The following STON1 variants were observed in gnomAD, a reference collection of about 807,000 sequenced individuals.
STON1 encodes the protein stonin-1.
STON1 carries 79 observed loss-of-function variants against 60.9 expected under a neutral mutation model. The observed-to-expected ratio is 1.30, with a 90% CI of 1.08 to 1.56. The LOEUF (loss-of-function observed/expected upper bound fraction) is 1.56, where lower values mean the gene tolerates loss of function less well. STON1 is among the 40% of genes most tolerant of loss of function. The probability of loss-of-function intolerance (pLI) is 0.00; values close to 1 mark genes in which losing one functional copy is unlikely to be tolerated. For synonymous variants in STON1, 363 were observed against 306.9 expected, an observed-to-expected ratio of 1.18 and a Z score of -1.91; for missense variants, 1,166 against 858.9, an observed-to-expected ratio of 1.36 and a Z score of -4.47.
At chr2:48,571,305 G>T (rs1673198364) in intron 1 of STON1, among the ~76,000 whole-genome samples, 1 of 152,194 alleles carries the variant, frequency 6.6e-6, no homozygotes, top group Non-Finnish European at 1.5e-5. Context: ...AGGAATCTTT[G>T]CTTCAGAGGA....
chr2:48,552,463 C>A (rs542747448), intron 1 of STON1, among the ~76,000 whole-genome samples: 2 of 152,236 alleles, frequency 1.3e-5, no homozygotes, highest in South Asian at 4.2e-4. Flanking sequence ...TTTAATGCCA[C>A]TAAAGTGTAC....
chr2:48,538,283 TG>T lies in STON1; in HGVS notation c.-48+8068del, dbSNP rs1356380004. ...GCATATATGTTTTTCTTAACTAGTT[TG>T]TAAGAGATAAAGATTATCTGTTTCT... On this transcript the variant is annotated intron_variant, in intron 1 of 3. Transcript: ENST00000404752. 5.9e-5 allele frequency among the ~76,000 whole-genome samples: 9 copies of T among 152,268 alleles called. 1 individual carries two copies. The highest frequency in any genetic ancestry group is 1.9e-4 in the African/African-American group (8 of 41,552).
At chr2:48,571,861 G>A (rs1673226277) in intron 1 of STON1, among the ~76,000 whole-genome samples, 1 of 152,080 alleles carries the variant, frequency 6.6e-6, no homozygotes, top group Non-Finnish European at 1.5e-5. Flanking sequence ...AGAAACGGAA[G>A]CAAGTGTAAA....
At chr2:48,589,391 G>T (rs181188946) in intron 2 of STON1, among the ~76,000 whole-genome samples, 2 of 152,132 alleles carry the variant, frequency 1.3e-5, no homozygotes, top group African/African-American at 4.8e-5. Context: ...GCGACAACAC[G>T]ATTTTCCTCT....
At chr2:48,541,212 A>G (rs1671636102) in intron 1 of STON1, among the ~76,000 whole-genome samples, 1 of 151,770 alleles carries the variant, frequency 6.6e-6, no homozygotes, top group South Asian at 2.1e-4. Flanking sequence ...TTAGCTGGGC[A>G]TGGTGTTGTA....
At position 48,555,483 on chromosome 2, in the gene STON1, G is replaced by T. The variant is rs1377740617; in HGVS notation, c.-47-25104G>T. Among the ~76,000 whole-genome samples the T allele has an allele frequency of 9.3e-5, 9 of 96,298 alleles. 1 individual carries two copies. The highest frequency in any genetic ancestry group is 3.7e-4 in the African/African-American group (9 of 24,556). The allele number at this position is 96,298 out of a possible 152,430, so 63.2% of individuals were successfully genotyped here. ...CCCCACCTCCCTCCCGGACGGGGCG[G>T]CTGGCCGGGTGGGGGGCTGACCCCC... On this transcript the variant is annotated intron_variant, in intron 1 of 3. Coordinates refer to ENST00000404752, the MANE Select transcript of STON1 (RefSeq NM_006873.4).
chr2:48,588,611 G>A (rs1674341764), intron 2 of STON1, among the ~76,000 whole-genome samples: 3 of 152,114 alleles, frequency 2.0e-5, no homozygotes, highest in East Asian at 1.9e-4. Flanking sequence ...TTGGCCTTCC[G>A]AGTGCTGGGA....
rs184434671 is a variant in STON1 at position 48,533,386 on chromosome 2, G to T, written c.-48+3170G>T. On this transcript the variant is annotated intron_variant, in intron 1 of 3. Coordinates refer to ENST00000404752, the MANE Select transcript of STON1 (RefSeq NM_006873.4). ...CAGAGCGAGACTCCGTCTCAGAAAAGAAAAGAAAAAAAAAGATGTAGGCCA... is the reference window on the plus strand; with the variant it reads ...CAGAGCGAGACTCCGTCTCAGAAAATAAAAGAAAAAAAAAGATGTAGGCCA... Among the ~76,000 whole-genome samples, 701 of 149,140 alleles carry T rather than the reference G, an allele frequency of 4.7e-3. 19 individuals are homozygous for T. Among genetic ancestry groups the T allele is most frequent in the East Asian group, 4.4e-3 (22 of 4,970 alleles).
chr2:48,566,726 C>G (rs1202301582), intron 1 of STON1, among the ~76,000 whole-genome samples: 2 of 152,216 alleles, frequency 1.3e-5, no homozygotes, highest in African/African-American at 2.4e-5. Context: ...CTCCTACTCT[C>G]CCACTGACGC....
At chr2:48,569,026 T>C (rs1673069961) in intron 1 of STON1, 1 of 152,276 alleles carries the variant, frequency 6.6e-6, no homozygotes, top group South Asian at 2.1e-4. Flanking sequence ...TGGTGGACTT[T>C]GGGACTGGAC....
chr2:48,580,131 C>T (rs1470550775), intron 1 of STON1, among the ~76,000 whole-genome samples: 3 of 152,132 alleles, frequency 2.0e-5, no homozygotes, highest in Non-Finnish European at 2.9e-5. Context: ...TGCTCTCGAA[C>T]TGCTGACCTC....
In STON1 at chr2:48,582,281, G is replaced by T; in HGVS notation, c.1648G>T (p.Ala550Ser). 2 of 1,614,172 alleles carry T rather than the reference G, an allele frequency of 1.2e-6. No homozygotes were observed. The highest frequency in any genetic ancestry group is 1.3e-5 in the African/African-American group (1 of 75,026). ...YVELQAFVNM[A>S]SLAQRSSYAG... ...GGAACTTCAGGCTTTTGTCAACATG[G>T]CCTCATTGGCGCAGAGGTCATCCTA... The change falls in exon 2 of 4, where the codon GCC (alanine) becomes TCC (serine). Residue 550 changes from alanine (A) to serine (S), a missense_variant. By Grantham distance (99) the Ala-to-Ser change is moderately conservative (BLOSUM62 1). Coordinates refer to ENST00000404752, the MANE Select transcript of STON1 (RefSeq NM_006873.4).
chr2:48,544,181 A>G lies in STON1; in HGVS notation c.-48+13965A>G, dbSNP rs1671769523. On this transcript the variant is annotated intron_variant, in intron 1 of 3. Transcript: ENST00000404752. ...GACTATTCTTTTTTTTCTTCTCTGG[A>G]TTTTGTGTGTGTGTGTGTGTCTGTC... is the stretch of plus-strand genomic sequence containing the variant. Among the ~76,000 whole-genome samples, 5 of 146,016 alleles carry G rather than the reference A, an allele frequency of 3.4e-5. No homozygotes were observed. In the South Asian group the frequency reaches 1.2e-3, roughly 36 times the overall value.
intron 1 of STON1, among the ~76,000 whole-genome samples, chr2:48,555,173 G>A (rs1308010725): frequency 2.1e-5 from 2 of 96,502 alleles, no homozygotes; most frequent in African/African-American, 3.9e-5. Flanking sequence ...TCTTTTCCCC[G>A]CCTTTCCCGC....
intron 1 of STON1, among the ~76,000 whole-genome samples, chr2:48,554,750 A>C (rs1266677684): frequency 1.8e-5 from 1 of 55,072 alleles, no homozygotes; most frequent in Non-Finnish European, 3.8e-5. Flanking sequence ...TTTTTTATTG[A>C]TAATTCTTGG....
intron 1 of STON1, among the ~76,000 whole-genome samples, chr2:48,542,242 A>G (rs570100642): frequency 6.6e-6 from 1 of 152,214 alleles, no homozygotes; most frequent in Non-Finnish European, 1.5e-5. Flanking sequence ...CTACACAAAG[A>G]TATTTTCCCC....
chr2:48,572,426 G>T (rs866121914), intron 1 of STON1, among the ~76,000 whole-genome samples: 1 of 152,154 alleles, frequency 6.6e-6, no homozygotes, highest in African/African-American at 2.4e-5. Flanking sequence ...GGACAGTGAG[G>T]GGGTAGGAGT....
At chr2:48,543,208 C>T (rs971589317) in intron 1 of STON1, among the ~76,000 whole-genome samples, 10 of 152,040 alleles carry the variant, frequency 6.6e-5, no homozygotes, top group African/African-American at 2.4e-4. Context: ...CTCCTGACGT[C>T]AGGTGATCCG....
chr2:48,549,876 A>T (rs1672024716), intron 1 of STON1, among the ~76,000 whole-genome samples: 2 of 141,766 alleles, frequency 1.4e-5, no homozygotes, highest in African/African-American at 5.0e-5. Context: ...GGAGGTAGGA[A>T]CCTGGCTGGG....
Sources: allele counts gnomAD v4.1 joint callset (sites outside exome capture counted in the v4.1 genomes callset), GRCh38; gene constraint gnomAD v4.1.1; transcripts MANE v1.5; gene names NCBI Gene and HGNC (gene_info 2026-07-23, HGNC 2026-07-21).